The following MAMDC2 variants were observed in gnomAD, a reference collection of about 807,000 sequenced individuals.
MAMDC2 encodes MAM domain-containing protein 2.
Under a neutral mutation model 89.8 loss-of-function variants are expected in MAMDC2, and 57 were observed. The ratio of observed to expected loss-of-function variants is 0.63; its 90% CI spans 0.51 to 0.79. MAMDC2 has a LOEUF of 0.79. Ranked by LOEUF, MAMDC2 falls within the 30% of genes least tolerant of loss-of-function variation. The pLI is 0.00. For missense variants in MAMDC2, 800 were observed against 820.6 expected (o/e 0.97, Z 0.31); for synonymous variants, 313 against 293.4 (o/e 1.07, Z -0.68).
intron 11 of MAMDC2, among the ~76,000 whole-genome samples, chr9:70,191,050 AAAAAAGGTCACTGTTCTTAGC>A (rs2032867193): frequency 6.6e-6 from 1 of 152,148 alleles, no homozygotes; most frequent in Non-Finnish European, 1.5e-5. Flanking sequence ...TTAGGGCAAG[AAAAAAGGTCACTGTTCTTAGC>A]AAAATTCAGT....
At chr9:70,203,516 A>G (rs1160565829) in intron 11 of MAMDC2, among the ~76,000 whole-genome samples, 2 of 137,116 alleles carry the variant, frequency 1.5e-5, no homozygotes, top group Admixed American at 1.6e-4. Flanking sequence ...ACTTTGGTGA[A>G]TCTGACATTT....
In MAMDC2 at chr9:70,044,607, G is replaced by C. The variant is rs193920950; in HGVS notation, c.58G>C (p.Asp20His). The change falls in exon 2 of 14, where the codon GAC becomes CAC. Residue 20 changes from aspartate (D) to histidine (H), a missense_variant. Coordinates refer to ENST00000377182, the MANE Select transcript of MAMDC2 (RefSeq NM_153267.5). ...LQALQLAGAL[D>H]LPAGSCAFEE... ...AGCCCTGCAGCTCGCCGGTGCCCTC[G>C]ACCTGCCCGCTGGGTCCTGTGCCTT... The C allele has an allele frequency of 2.6e-6, 4 of 1,550,610 alleles. No homozygotes were observed. The highest frequency in any genetic ancestry group is 3.5e-6 in the Non-Finnish European group (4 of 1,146,928).
chr9:70,218,246 T>A, intron 11 of MAMDC2, 91 bp from the exon 12 acceptor site: 2 of 1,393,706 alleles, frequency 1.4e-6, no homozygotes, highest in African/African-American at 2.9e-5. Context: ...AGTCAGATCA[T>A]CTTGACTTGA....
intron 11 of MAMDC2, among the ~76,000 whole-genome samples, chr9:70,216,090 T>C (rs1336981891): frequency 6.6e-6 from 1 of 152,230 alleles, no homozygotes; most frequent in African/African-American, 2.4e-5. Flanking sequence ...GCATGTATTA[T>C]TTGGGATCTC....
At chr9:70,069,937 A>G (rs1827365089) in intron 2 of MAMDC2, among the ~76,000 whole-genome samples, 1 of 152,178 alleles carries the variant, frequency 6.6e-6, no homozygotes, top group African/African-American at 2.4e-5. Context: ...TAACAGTCTC[A>G]ATGTGTCTTT....
intron 11 of MAMDC2, among the ~76,000 whole-genome samples, chr9:70,207,653 A>G (rs945535857): frequency 1.3e-5 from 2 of 152,160 alleles, no homozygotes; most frequent in African/African-American, 4.8e-5. Flanking sequence ...CCATTTGTCA[A>G]TTTTGGCTTT....
chr9:70,221,380 T>TAGAGAGAGAGAGAGAGAGAGAGAG (rs58804811), intron 12 of MAMDC2, among the ~76,000 whole-genome samples: 21 of 7,000 alleles, frequency 3.0e-3, no homozygotes, highest in Non-Finnish European at 4.5e-3. Context: ...TATATATATA[T>TAGAGAGAGAGAGAGAGAGAGAGAG]AGAGAGAGAG....
At chr9:70,098,458 A>C (rs1293350934) in intron 2 of MAMDC2, among the ~76,000 whole-genome samples, 2 of 152,262 alleles carry the variant, frequency 1.3e-5, no homozygotes, top group Non-Finnish European at 2.9e-5. Context: ...ACTATAGATC[A>C]ATTGTAAGAC....
At chr9:70,061,521 C>T (rs1485207925) in intron 2 of MAMDC2, among the ~76,000 whole-genome samples, 1 of 152,146 alleles carries the variant, frequency 6.6e-6, no homozygotes, top group Admixed American at 6.5e-5. Flanking sequence ...CTCTTCATCC[C>T]CTGTAGGGTC....
chr9:70,219,018 A>G (rs1380741899), intron 12 of MAMDC2, among the ~76,000 whole-genome samples: 1 of 152,146 alleles, frequency 6.6e-6, no homozygotes, highest in Non-Finnish European at 1.5e-5. Flanking sequence ...TTTAACAGTG[A>G]GCATGGTCCA....
chr9:70,221,378 T>TAGAGAGAGAGAG (rs1212981557), intron 12 of MAMDC2, among the ~76,000 whole-genome samples: 4 of 5,500 alleles, frequency 7.3e-4, no homozygotes, highest in South Asian at 0.011. Flanking sequence ...TATATATATA[T>TAGAGAGAGAGAG]ATAGAGAGAG....
rs564562990 is a variant in MAMDC2, at chr9:70,201,784, G to A, written c.1652-16553G>A. On this transcript the variant is annotated intron_variant, in intron 11 of 13. Transcript: ENST00000377182. ...AATTCTTCCTGGTTTAGTCTTGGGA[G>A]AGTGCATGTGTCGAGGAATGTATCC... Among the ~76,000 whole-genome samples, 556 of 147,178 alleles carry A rather than the reference G, an allele frequency of 3.8e-3. 6 individuals carry two copies. The highest frequency in any genetic ancestry group is 0.013 in the African/African-American group (512 of 38,508).
intron 2 of MAMDC2, among the ~76,000 whole-genome samples, chr9:70,067,403 A>C (rs1323753556): frequency 6.6e-6 from 1 of 152,042 alleles, no homozygotes; most frequent in East Asian, 1.9e-4. Flanking sequence ...TATTGTCAGG[A>C]TACTCTTTTC....
intron 2 of MAMDC2, among the ~76,000 whole-genome samples, chr9:70,054,675 A>AG (rs1826988326): frequency 6.6e-6 from 1 of 152,018 alleles, no homozygotes; most frequent in Non-Finnish European, 1.5e-5. Flanking sequence ...GATTGAAAAG[A>AG]GGGGGGCTTC....
intron 9 of MAMDC2, among the ~76,000 whole-genome samples, chr9:70,162,981 A>G (rs1353276070): frequency 6.6e-6 from 1 of 151,452 alleles, no homozygotes; most frequent in Non-Finnish European, 1.5e-5. Flanking sequence ...GTGACCTTTT[A>G]GGTTCTGCTG....
intron 11 of MAMDC2, among the ~76,000 whole-genome samples, chr9:70,209,908 G>C: frequency 6.6e-6 from 1 of 152,170 alleles, no homozygotes; most frequent in Non-Finnish European, 1.5e-5. Flanking sequence ...TAGTCATTCA[G>C]GAGCAGGTTG....
At chr9:70,212,576 C>T (rs575182527) in intron 11 of MAMDC2, among the ~76,000 whole-genome samples, 6 of 152,206 alleles carry the variant, frequency 3.9e-5, no homozygotes, top group Admixed American at 2.0e-4. Flanking sequence ...TTGCGCTTTC[C>T]GGGTGAGGTG....
chr9:70,125,233 G>A (rs1233518749), intron 5 of MAMDC2, among the ~76,000 whole-genome samples: 1 of 152,180 alleles, frequency 6.6e-6, no homozygotes, highest in Non-Finnish European at 1.5e-5. Flanking sequence ...GAATGGCGTT[G>A]TAATTGTTAG....
chr9:70,111,216 C>T (rs1828503206), intron 4 of MAMDC2, among the ~76,000 whole-genome samples: 2 of 152,034 alleles, frequency 1.3e-5, no homozygotes, highest in African/African-American at 2.4e-5. Flanking sequence ...TCTTGGCATC[C>T]GTAAAATGGG....
Sources: gnomAD v4.1 joint callset for allele counts (sites outside exome capture counted in the v4.1 genomes callset) on GRCh38, gnomAD v4.1.1 for gene constraint, MANE v1.5 for transcripts, NCBI Gene and HGNC (gene_info 2026-07-23, HGNC 2026-07-21) for gene names.